CFAP95: variants seen among roughly 807,000 people sequenced by gnomAD.
CFAP95 encodes the protein cilia and flagella associated protein 95, also known as cilia- and flagella-associated protein 95.
the CFAP95 span, among the ~76,000 whole-genome samples, chr9:69,886,336 GA>G: frequency 5.3e-5 from 8 of 150,932 alleles, no homozygotes; most frequent in African/African-American, 1.5e-4. Context: ...CTTAAGGAGA[GA>G]AAAAAAAATC....
At chr9:69,839,809 C>T in the CFAP95 span, among the ~76,000 whole-genome samples, 3 of 151,790 alleles carry the variant, frequency 2.0e-5, no homozygotes, top group Non-Finnish European at 4.4e-5. Context: ...GGCGCAGTGG[C>T]TCCCGCCTGT....
At chr9:69,892,569 G>A in the CFAP95 span, among the ~76,000 whole-genome samples, 20 of 152,294 alleles carry the variant, frequency 1.3e-4, 1 homozygote, top group East Asian at 2.7e-3. Flanking sequence ...AGAAGAGGGC[G>A]ATCTCCAGTG....
the CFAP95 span, among the ~76,000 whole-genome samples, chr9:69,833,849 T>C: frequency 6.6e-6 from 1 of 152,248 alleles, no homozygotes; most frequent in Non-Finnish European, 1.5e-5. Context: ...GTTTTAATTC[T>C]AGATTTTATT....
chr9:69,824,382 C>T, the CFAP95 span, among the ~76,000 whole-genome samples: 1 of 151,808 alleles, frequency 6.6e-6, no homozygotes, highest in East Asian at 1.9e-4. Flanking sequence ...AAAATTAATA[C>T]TTGATGCACT....
chr9:69,827,071 A>C, the CFAP95 span, among the ~76,000 whole-genome samples: 1 of 152,200 alleles, frequency 6.6e-6, no homozygotes, highest in African/African-American at 2.4e-5. Context: ...TACAATAGTA[A>C]AGAATTTTTA....
the CFAP95 span, among the ~76,000 whole-genome samples, chr9:69,874,804 G>A: frequency 6.6e-6 from 1 of 152,286 alleles, no homozygotes; most frequent in African/African-American, 2.4e-5. Flanking sequence ...GAGTAGGGAT[G>A]GGAGCTGTAA....
the CFAP95 span, among the ~76,000 whole-genome samples, chr9:69,860,063 A>G: frequency 6.6e-6 from 1 of 152,370 alleles, no homozygotes; most frequent in East Asian, 1.9e-4. Flanking sequence ...GGCCTAGGAC[A>G]TTACTAAATA....
the CFAP95 span, among the ~76,000 whole-genome samples, chr9:69,900,828 T>G: frequency 6.6e-6 from 1 of 152,202 alleles, no homozygotes; most frequent in Non-Finnish European, 1.5e-5. Flanking sequence ...TTGATCTGTT[T>G]CAAGAGTTTC....
At chr9:69,895,841 A>G in the CFAP95 span, among the ~76,000 whole-genome samples, 6,080 of 152,054 alleles carry the variant, frequency 0.04, 367 homozygotes, top group African/African-American at 0.14. Flanking sequence ...TGTCACTCAG[A>G]CTGGAGTGCA....
At chr9:69,827,356 A>G in the CFAP95 span, among the ~76,000 whole-genome samples, 1 of 152,266 alleles carries the variant, frequency 6.6e-6, no homozygotes, top group Admixed American at 6.5e-5. Context: ...AGATGCATAT[A>G]TAAAATTTAT....
At chr9:69,860,719 TTTA>T in the CFAP95 span, among the ~76,000 whole-genome samples, 1 of 152,134 alleles carries the variant, frequency 6.6e-6, no homozygotes, top group Admixed American at 6.5e-5. Flanking sequence ...CTGTAAGCTT[TTTA>T]TTATTAAACA....
chr9:69,821,400 TC>T, the CFAP95 span, among the ~76,000 whole-genome samples: 1 of 151,816 alleles, frequency 6.6e-6, no homozygotes, highest in African/African-American at 2.4e-5. Context: ...AGCAGCCAAA[TC>T]CCCGCCACCT....
chr9:69,858,250 A>C, the CFAP95 span: 1 of 437,180 alleles, frequency 2.3e-6, no homozygotes, highest in South Asian at 2.4e-5. Context: ...CCACAAGTCA[A>C]TACTCGTGGT....
chr9:69,856,513 G>C, the CFAP95 span: 1 of 1,213,124 alleles, frequency 8.2e-7, no homozygotes. Flanking sequence ...ACCATTTGTA[G>C]TGAAAATTCA....
At chr9:69,885,680 T>C in the CFAP95 span, among the ~76,000 whole-genome samples, 1 of 151,986 alleles carries the variant, frequency 6.6e-6, no homozygotes, top group East Asian at 1.9e-4. Flanking sequence ...TTTAATGGGG[T>C]GGAGGTTGGG....
chr9:69,891,458 T>C, the CFAP95 span, among the ~76,000 whole-genome samples: 1 of 152,082 alleles, frequency 6.6e-6, no homozygotes. Flanking sequence ...TACAACTGAG[T>C]TGATATAAAG....
chr9:69,883,685 A>C, the CFAP95 span, among the ~76,000 whole-genome samples: 13 of 152,040 alleles, frequency 8.6e-5, no homozygotes, highest in Non-Finnish European at 1.8e-4. Context: ...AGTTTCCTGT[A>C]GTAGCCACTA....
chr9:69,832,242 C>T, the CFAP95 span, among the ~76,000 whole-genome samples: 1 of 149,556 alleles, frequency 6.7e-6, no homozygotes, highest in Non-Finnish European at 1.5e-5. Context: ...ATATCCCACC[C>T]AGACCTCTAA....
At chr9:69,822,789 T>G in the CFAP95 span, among the ~76,000 whole-genome samples, 2 of 152,198 alleles carry the variant, frequency 1.3e-5, no homozygotes, top group Non-Finnish European at 2.9e-5. Flanking sequence ...TGTAAGTCAT[T>G]CCAGCCGCTG....
Sources: gnomAD v4.1 joint callset for allele counts (sites outside exome capture counted in the v4.1 genomes callset) on GRCh38, gnomAD v4.1.1 for gene constraint, MANE v1.5 for transcripts, NCBI Gene and HGNC (gene_info 2026-07-23, HGNC 2026-07-21) for gene names.